The following SUFU variants were observed in gnomAD, a reference collection of about 807,000 sequenced individuals.
SUFU encodes the protein suppressor of fused homolog.
In SUFU, 7 loss-of-function variants were observed where a neutral mutation model predicts 58.9. That is an observed-to-expected ratio of 0.12 (90% CI 0.07 to 0.22). The LOEUF (loss-of-function observed/expected upper bound fraction) is 0.22. Among genes scored for constraint, SUFU ranks in the 10% least tolerant of loss-of-function variants. SUFU has a pLI of 1.00. For synonymous variants in SUFU, 232 were observed against 254.8 expected (o/e 0.91, Z 0.85); for missense variants, 451 against 641.3 (o/e 0.70, Z 3.20).
At chr10:102,505,757 C>T (rs1051321824) in intron 1 of SUFU, among the ~76,000 whole-genome samples, 3 of 152,204 alleles carry the variant, frequency 2.0e-5, no homozygotes, top group South Asian at 2.1e-4. Flanking sequence ...TCGCAGTCCT[C>T]TCTCACTGGC....
intron 7 of SUFU, among the ~76,000 whole-genome samples, chr10:102,598,351 C>T (rs2063485065): frequency 2.0e-5 from 3 of 152,084 alleles, no homozygotes; most frequent in South Asian, 4.1e-4. Context: ...GTCAGGGCTT[C>T]GCTGTGTTGC....
At chr10:102,559,955 C>T (rs887660189) in intron 3 of SUFU, among the ~76,000 whole-genome samples, 2 of 152,146 alleles carry the variant, frequency 1.3e-5, no homozygotes, top group East Asian at 1.9e-4. Flanking sequence ...TCAGTTGGCT[C>T]GATTTGTGAG....
intron 2 of SUFU, among the ~76,000 whole-genome samples, chr10:102,537,129 CTTTTTTT>C (rs74317451): frequency 8.4e-6 from 1 of 119,380 alleles, no homozygotes; most frequent in Non-Finnish European, 1.7e-5. Flanking sequence ...TTAAATTTAC[CTTTTTTT>C]TTTTTTTTTT....
In SUFU at chr10:102,568,874, C is replaced by CAAAAAAA. The variant is rs59877393; in HGVS notation, c.454+18786_454+18792dup. On this transcript the variant is annotated intron_variant, in intron 3 of 11. Transcript: ENST00000369902. ...GGGCGACAAGAGCAAAACTCTGTCT[C>CAAAAAAA]AAAAAAAAAAAAAAAAAAAAAAAAT... Among the ~76,000 whole-genome samples, 12 of 14,540 alleles carry CAAAAAAA rather than the reference C, an allele frequency of 8.3e-4. 2 individuals carry two copies. The highest frequency in any genetic ancestry group is 2.1e-3 in the African/African-American group (6 of 2,906). The allele number at this position is 14,540 out of a possible 152,430, so 9.5% of individuals were successfully genotyped here. A position where few individuals can be genotyped will look rare whatever the true frequency, so the allele number is the denominator to read the frequency against.
At chr10:102,542,737 G>T (rs1251994274) in intron 2 of SUFU, among the ~76,000 whole-genome samples, 1 of 150,442 alleles carries the variant, frequency 6.6e-6, no homozygotes, top group East Asian at 2.0e-4. Context: ...CAATCCTCCT[G>T]CCTTAGCCTC....
intron 10 of SUFU, among the ~76,000 whole-genome samples, chr10:102,624,857 C>T (rs1160860385): frequency 6.6e-6 from 1 of 152,208 alleles, no homozygotes; most frequent in East Asian, 1.9e-4. Flanking sequence ...TGCCCCTCTT[C>T]CTGTCCTCCC....
intron 2 of SUFU, among the ~76,000 whole-genome samples, chr10:102,532,992 G>A (rs1409186510): frequency 6.6e-6 from 1 of 152,186 alleles, no homozygotes; most frequent in Non-Finnish European, 1.5e-5. Context: ...GAAGGATGCA[G>A]AAGGCTAACG....
At chr10:102,554,295 CG>C (rs2062951118) in intron 3 of SUFU, among the ~76,000 whole-genome samples, 1 of 152,002 alleles carries the variant, frequency 6.6e-6, no homozygotes, top group Non-Finnish European at 1.5e-5. Context: ...CCCAGCTACA[CG>C]GGAGGCTGAG....
chr10:102,547,826 C>T (rs983787352), intron 2 of SUFU, among the ~76,000 whole-genome samples: 6 of 145,706 alleles, frequency 4.1e-5, no homozygotes, highest in African/African-American at 7.7e-5. Context: ...GAGAGAGAGG[C>T]GGGGGGGAGA....
intron 2 of SUFU, among the ~76,000 whole-genome samples, chr10:102,510,342 T>TG (rs1015386170): frequency 9.2e-5 from 14 of 152,026 alleles, no homozygotes; most frequent in Non-Finnish European, 1.9e-4. Flanking sequence ...CCTGAGTACC[T>TG]GGGACTATAG....
At chr10:102,572,656 G>T in intron 3 of SUFU, 1 of 532,970 alleles carries the variant, frequency 1.9e-6, no homozygotes, top group Non-Finnish European at 3.5e-6. Context: ...CCAAACTGCT[G>T]AGATTACAGG....
rs138011267 is a variant in SUFU at position 102,621,471 on chromosome 10, C to T, written c.1296+4043C>T. 4.6e-5 allele frequency among the ~76,000 whole-genome samples: 7 copies of T among 152,278 alleles called. No individual in the cohort carries two copies. In the East Asian group the frequency reaches 7.7e-4, roughly 17 times the overall value. On this transcript the variant is annotated intron_variant, in intron 10 of 11. Coordinates refer to ENST00000369902, the MANE Select transcript of SUFU (RefSeq NM_016169.4). ...CCGCCCACTAAGAACAGGAAATGAGCGAGACCTGTGCCCCAACTGCAGCCC... is the reference window on the plus strand; with the variant it reads ...CCGCCCACTAAGAACAGGAAATGAGTGAGACCTGTGCCCCAACTGCAGCCC...
chr10:102,536,742 T>A (rs549390684), intron 2 of SUFU, among the ~76,000 whole-genome samples: 4 of 152,278 alleles, frequency 2.6e-5, no homozygotes, highest in African/African-American at 9.6e-5. Flanking sequence ...ATACTTTATG[T>A]TGAATTTTGT....
chr10:102,572,818 T>C (rs2063176076), intron 3 of SUFU: 4 of 839,748 alleles, frequency 4.8e-6, no homozygotes, highest in South Asian at 2.6e-5. Flanking sequence ...CAGTCCAACA[T>C]ATGCCTTCTT....
In SUFU at chr10:102,507,168, G is replaced by A. The variant is rs1233692842; in HGVS notation, c.183-2001G>A. ...TTTATCTGACTCTTGGTAGTTCCTTGCAGTTGGAGTTTGAAGGTTAAGCTT... is the reference window on the plus strand; with the variant it reads ...TTTATCTGACTCTTGGTAGTTCCTTACAGTTGGAGTTTGAAGGTTAAGCTT... On this transcript the variant is annotated intron_variant, in intron 1 of 11. Transcript: ENST00000369902. Among the ~76,000 whole-genome samples, 4 of 152,324 alleles carry A rather than the reference G, an allele frequency of 2.6e-5. No homozygotes were observed. The South Asian group carries it at 8.3e-4, about 32-fold the overall frequency.
chr10:102,604,912 A>G (rs1302502026), intron 8 of SUFU, among the ~76,000 whole-genome samples: 2 of 146,234 alleles, frequency 1.4e-5, no homozygotes, highest in African/African-American at 2.5e-5. Flanking sequence ...TCCCGATGAA[A>G]ATATTGCCTT....
chr10:102,559,420 A>G (rs2063012855), intron 3 of SUFU, among the ~76,000 whole-genome samples: 1 of 152,244 alleles, frequency 6.6e-6, no homozygotes. Context: ...AACCTTGCCT[A>G]TTGATCAGGA....
At chr10:102,519,260 C>A (rs550281581) in intron 2 of SUFU, among the ~76,000 whole-genome samples, 2 of 151,708 alleles carry the variant, frequency 1.3e-5, no homozygotes, top group South Asian at 4.2e-4. Context: ...CATGGTGGCT[C>A]ACTCGTGTAA....
intron 2 of SUFU, among the ~76,000 whole-genome samples, chr10:102,510,981 C>T (rs1287052239): frequency 2.6e-5 from 4 of 151,380 alleles, no homozygotes; most frequent in African/African-American, 9.7e-5. Context: ...ATTAGCCGGG[C>T]GTGGTGGCAC....
Sources: gnomAD v4.1 joint callset for allele counts (sites outside exome capture counted in the v4.1 genomes callset) on GRCh38, gnomAD v4.1.1 for gene constraint, MANE v1.5 for transcripts, NCBI Gene and HGNC (gene_info 2026-07-23, HGNC 2026-07-21) for gene names.